The following SUGCT variants were observed in gnomAD, a reference collection of about 807,000 sequenced individuals.
SUGCT encodes the protein succinyl-CoA:glutarate CoA-transferase.
In SUGCT, 41 loss-of-function variants were observed where a neutral mutation model predicts 55.0. The observed-to-expected ratio is 0.74, with a 90% CI of 0.58 to 0.97. SUGCT has a LOEUF of 0.97. Ranked by LOEUF, SUGCT falls within the 50% of genes least tolerant of loss-of-function variation. The pLI is 0.00. For synonymous variants in SUGCT, 187 were observed against 200.4 expected, an observed-to-expected ratio of 0.93 and a Z score of 0.56; for missense variants, 568 against 547.8, an observed-to-expected ratio of 1.04 and a Z score of -0.37.
At position 40,338,983 on chromosome 7, in the gene SUGCT, C is replaced by T. The variant is rs1262555935; in HGVS notation, c.816+22128C>T. ...TTCTAACAGTCAGGATCCTCAGCTG[C>T]AGGTCTGTTGGAGTTTGCTAGAGGT... On this transcript the variant is annotated intron_variant, in intron 9 of 13. Coordinates refer to ENST00000335693, the MANE Select transcript of SUGCT (RefSeq NM_001193313.2). Among the ~76,000 whole-genome samples, 3 of 152,188 alleles carry T rather than the reference C, an allele frequency of 2.0e-5. No homozygotes were observed. In the East Asian group the frequency reaches 5.8e-4, roughly 29 times the overall value.
intron 9 of SUGCT, among the ~76,000 whole-genome samples, chr7:40,367,017 A>G (rs1420016697): frequency 2.0e-5 from 3 of 152,168 alleles, no homozygotes; most frequent in Non-Finnish European, 4.4e-5. Context: ...AACCAACCCA[A>G]ATGTCCAACA....
chr7:40,911,609 G>A, the SUGCT span, among the ~76,000 whole-genome samples: 1 of 151,700 alleles, frequency 6.6e-6, no homozygotes, highest in Non-Finnish European at 1.5e-5. Context: ...GCACTTTGGG[G>A]CCCAGATAAT....
intron 13 of SUGCT, among the ~76,000 whole-genome samples, chr7:40,788,598 T>C (rs1386675570): frequency 6.6e-6 from 1 of 152,232 alleles, no homozygotes; most frequent in East Asian, 1.9e-4. Flanking sequence ...GTTGAGCCTA[T>C]AAAGTTACTG....
chr7:40,789,432 C>A (rs894248423), intron 13 of SUGCT, among the ~76,000 whole-genome samples: 43 of 152,124 alleles, frequency 2.8e-4, no homozygotes, highest in African/African-American at 9.7e-4. Context: ...CATGGATTTT[C>A]CCATCCATCA....
chr7:40,934,328 C>G, the SUGCT span, among the ~76,000 whole-genome samples: 1 of 152,190 alleles, frequency 6.6e-6, no homozygotes, highest in Non-Finnish European at 1.5e-5. Context: ...CCCAGAGGGG[C>G]ACCTACCTGT....
rs1476570832 is a variant in SUGCT at position 40,148,643 on chromosome 7, TCAAAA to T, written c.100+13534_100+13538del. ...TGGGCAACAAGAGCAAAACTTCATC[TCAAAA>T]CAAAACAAAAAACAAACAAAAAAAC... On this transcript the variant is annotated intron_variant, in intron 1 of 13. Transcript: ENST00000335693. Among the ~76,000 whole-genome samples, 50 of 151,870 alleles carry T rather than the reference TCAAAA, an allele frequency of 3.3e-4. 1 individual carries two copies. Among genetic ancestry groups the T allele is most frequent in the Admixed American group, 3.3e-3 (50 of 15,254 alleles).
Position 40,459,211 on chromosome 7 carries a change from G to A in SUGCT, c.986+13G>A, listed in dbSNP as rs747493577. ...TATTATCTGAACGGTAAGTTTGGAT[G>A]TTGTATTCATCCATTTAAGAATTAA... On this transcript the variant is annotated intron_variant, in intron 11 of 13. Coordinates refer to ENST00000335693, the MANE Select transcript of SUGCT (RefSeq NM_001193313.2). The A allele has an allele frequency of 5.4e-6, 8 of 1,494,478 alleles. No individual in the cohort carries two copies. The highest frequency in any genetic ancestry group is 7.4e-6 in the Non-Finnish European group (8 of 1,076,782). 92.6% of individuals were successfully genotyped at this position (1,494,478 alleles called of 1,614,324 possible).
the SUGCT span, among the ~76,000 whole-genome samples, chr7:40,939,366 G>C: frequency 2.0e-5 from 3 of 152,174 alleles, no homozygotes; most frequent in South Asian, 2.1e-4. Flanking sequence ...TAGAATTCAA[G>C]ATGAGATTTG....
At chr7:40,481,287 A>G (rs1050960447) in intron 11 of SUGCT, among the ~76,000 whole-genome samples, 8 of 152,040 alleles carry the variant, frequency 5.3e-5, no homozygotes, top group Non-Finnish European at 1.2e-4. Context: ...GCAGTGAGCT[A>G]TGATTGCACA....
intron 13 of SUGCT, among the ~76,000 whole-genome samples, chr7:40,769,663 C>T (rs1788989541): frequency 6.6e-6 from 1 of 152,166 alleles, no homozygotes; most frequent in Admixed American, 6.5e-5. Flanking sequence ...GACTGTAGTT[C>T]TGTCAGGGCT....
chr7:40,851,377 C>A (rs1355085258), intron 13 of SUGCT, among the ~76,000 whole-genome samples: 1 of 152,158 alleles, frequency 6.6e-6, no homozygotes, highest in Non-Finnish European at 1.5e-5. Flanking sequence ...AAACACATAG[C>A]ATCTCATGTC....
chr7:40,167,960 T>G (rs1361889019), intron 1 of SUGCT, among the ~76,000 whole-genome samples: 1 of 152,224 alleles, frequency 6.6e-6, no homozygotes, highest in Non-Finnish European at 1.5e-5. Context: ...CAAAGGGGGT[T>G]GCCCACTCCC....
chr7:40,969,829 C>A, the SUGCT span, among the ~76,000 whole-genome samples: 1 of 152,144 alleles, frequency 6.6e-6, no homozygotes. Context: ...GAATAAATTA[C>A]AGAAAAGGTT....
chr7:40,599,452 G>A (rs1052041344), intron 12 of SUGCT, among the ~76,000 whole-genome samples: 6 of 152,072 alleles, frequency 3.9e-5, no homozygotes, highest in Admixed American at 3.3e-4. Context: ...CACCAAAGCT[G>A]GTCCCTTGGA....
chr7:40,732,865 G>A (rs1037488179), intron 12 of SUGCT, among the ~76,000 whole-genome samples: 1 of 152,118 alleles, frequency 6.6e-6, no homozygotes, highest in Non-Finnish European at 1.5e-5. Context: ...CAAGATGGGT[G>A]GATCACTTGA....
chr7:40,291,129 A>G (rs1281986279), intron 8 of SUGCT, among the ~76,000 whole-genome samples: 1 of 152,098 alleles, frequency 6.6e-6, no homozygotes, highest in Non-Finnish European at 1.5e-5. Context: ...TAGAAATACC[A>G]TTTGACTCAG....
chr7:40,615,826 C>T (rs969294242), intron 12 of SUGCT, among the ~76,000 whole-genome samples: 1 of 152,218 alleles, frequency 6.6e-6, no homozygotes, highest in African/African-American at 2.4e-5. Context: ...TCTTCTGCTT[C>T]ATCCTCCTGG....
chr7:40,802,230 A>G (rs1790860140), intron 13 of SUGCT, among the ~76,000 whole-genome samples: 1 of 152,102 alleles, frequency 6.6e-6, no homozygotes, highest in African/African-American at 2.4e-5. Context: ...GCTGCAAGAA[A>G]CAATGTCATA....
chr7:40,250,196 G>A (rs1276526437), intron 7 of SUGCT, among the ~76,000 whole-genome samples: 3 of 151,630 alleles, frequency 2.0e-5, no homozygotes, highest in African/African-American at 7.3e-5. Flanking sequence ...TCAGGAGTTC[G>A]AGACCAGCCT....
Sources: allele counts gnomAD v4.1 joint callset (sites outside exome capture counted in the v4.1 genomes callset), GRCh38; gene constraint gnomAD v4.1.1; transcripts MANE v1.5; gene names NCBI Gene and HGNC (gene_info 2026-07-23, HGNC 2026-07-21).